GOLPH3: variants seen among roughly 807,000 people sequenced by gnomAD.
GOLPH3 encodes the protein coat protein GPP34.
A neutral mutation model predicts 28.5 loss-of-function variants in GOLPH3; 14 were observed. The observed-to-expected ratio is 0.49, with a 90% CI of 0.32 to 0.77. The LOEUF (loss-of-function observed/expected upper bound fraction) is 0.77, where lower values mean the gene tolerates loss of function less well. Among genes scored for constraint, GOLPH3 ranks in the 30% least tolerant of loss-of-function variants. GOLPH3 has a pLI of 0.03. For synonymous variants in GOLPH3, 158 were observed against 159.2 expected, an observed-to-expected ratio of 0.99 and a Z score of 0.06; for missense variants, 350 against 393.7, an observed-to-expected ratio of 0.89 and a Z score of 0.94.
intron 1 of GOLPH3, among the ~76,000 whole-genome samples, chr5:32,171,943 C>G (rs116692835): frequency 1.3e-5 from 2 of 149,518 alleles, no homozygotes; most frequent in Non-Finnish European, 3.0e-5. Context: ...AGCGAGATTC[C>G]GTCTAAAAAA....
chr5:32,165,031 C>T (rs1290878011), intron 1 of GOLPH3, among the ~76,000 whole-genome samples: 1 of 151,280 alleles, frequency 6.6e-6, no homozygotes, highest in African/African-American at 2.4e-5. Context: ...TCCCGAGTAG[C>T]TGGGATTTCA....
chr5:32,170,971 A>C (rs987714444), intron 1 of GOLPH3, among the ~76,000 whole-genome samples: 2 of 152,302 alleles, frequency 1.3e-5, no homozygotes, highest in South Asian at 4.1e-4. Context: ...GCTAGCAAGC[A>C]TCTGGACCTT....
intron 1 of GOLPH3, among the ~76,000 whole-genome samples, chr5:32,152,540 C>T (rs59539451): frequency 0.18 from 25,424 of 144,950 alleles, 5,051 homozygotes; most frequent in African/African-American, 0.49. Context: ...CCCAGCACTT[C>T]GGGAGGCGAG....
chr5:32,158,873 G>A (rs1442954770), intron 1 of GOLPH3, among the ~76,000 whole-genome samples: 3 of 152,096 alleles, frequency 2.0e-5, no homozygotes, highest in African/African-American at 4.8e-5. Context: ...TTTTTAAAGT[G>A]CACACAGTCA....
intron 2 of GOLPH3, among the ~76,000 whole-genome samples, chr5:32,136,273 A>C (rs539336925): frequency 2.7e-4 from 41 of 152,212 alleles, no homozygotes; most frequent in African/African-American, 7.9e-4. Context: ...TGAGGTCAGG[A>C]GTTCAAGACC....
At chr5:32,133,928 A>G (rs1745879541) in intron 3 of GOLPH3, among the ~76,000 whole-genome samples, 1 of 152,242 alleles carries the variant, frequency 6.6e-6, no homozygotes, top group Non-Finnish European at 1.5e-5. Flanking sequence ...CAGAGGTAGA[A>G]GAGGGTTATC....
At chr5:32,126,768 C>T (rs1745691731) in intron 3 of GOLPH3, 132 bp from the exon 4 acceptor site, 1 of 698,588 alleles carries the variant, frequency 1.4e-6, no homozygotes, top group Non-Finnish European at 2.4e-6. Context: ...TGTTTTTCTC[C>T]CTAACTAGAC....
chr5:32,151,833 G>A (rs1262927840), intron 1 of GOLPH3, among the ~76,000 whole-genome samples: 1 of 152,150 alleles, frequency 6.6e-6, no homozygotes, highest in Non-Finnish European at 1.5e-5. Flanking sequence ...GATGAACTCT[G>A]AAGACATTAT....
At chr5:32,167,653 A>G (rs1264775977) in intron 1 of GOLPH3, among the ~76,000 whole-genome samples, 1 of 152,198 alleles carries the variant, frequency 6.6e-6, no homozygotes, top group African/African-American at 2.4e-5. Flanking sequence ...ATCTTGTTGA[A>G]AAGGTATAAT....
At chr5:32,173,707 GCGCGGGCCGGA>G (rs1746903977) in intron 1 of GOLPH3, 92 bp downstream of exon 1, 1 of 790,956 alleles carries the variant, frequency 1.3e-6, no homozygotes, top group African/African-American at 1.8e-5. Context: ...GAGGGCAGGT[GCGCGGGCCGGA>G]AGCCTCGGGC....
At chr5:32,148,660 G>A (rs1432089502) in intron 1 of GOLPH3, among the ~76,000 whole-genome samples, 1 of 152,162 alleles carries the variant, frequency 6.6e-6, no homozygotes, top group Non-Finnish European at 1.5e-5. Flanking sequence ...AGCTGGGCGT[G>A]GTGGTGGGCA....
In GOLPH3 at chr5:32,137,863, T is replaced by C. The variant is rs531249405; in HGVS notation, c.358-2177A>G. 8.5e-5 allele frequency among the ~76,000 whole-genome samples: 13 copies of C among 152,198 alleles called. 1 individual carries two copies. The South Asian group carries it at 2.5e-3, about 29-fold the overall frequency. ...TCCATTGTATTGTATTATTTTATAATGTTAGCTATTTAAATGTCATAAAAT... is the reference window on the plus strand; with the variant it reads ...TCCATTGTATTGTATTATTTTATAACGTTAGCTATTTAAATGTCATAAAAT... On this transcript the variant is annotated intron_variant, in intron 2 of 3. Transcript: ENST00000265070.
In GOLPH3 at chr5:32,174,062, C is replaced by CG. The variant is rs1328442254; in HGVS notation, c.-29dup. The CG allele has an allele frequency of 2.4e-6, 3 of 1,270,334 alleles. No homozygotes were observed. Among genetic ancestry groups the CG allele is most frequent in the Non-Finnish European group, 3.0e-6 (3 of 1,012,718 alleles). The allele number at this position is 1,270,334 out of a possible 1,614,324, so 78.7% of individuals were successfully genotyped here. On this transcript the variant is annotated 5_prime_UTR_variant, in exon 1 of 4. Transcript: ENST00000265070. ...CTCCCGCCGAGGCGCCGAGCCGGGC[C>CG]GAGAGGGTCGCAGGACCGACCGGGT...
chr5:32,137,648 A>G (rs578192641), intron 2 of GOLPH3, among the ~76,000 whole-genome samples: 1 of 152,198 alleles, frequency 6.6e-6, no homozygotes, highest in South Asian at 2.1e-4. Flanking sequence ...GACAAGAGCA[A>G]AAATCTGTTT....
rs904844694 is a variant in GOLPH3, at chr5:32,174,294, A to AGGC, written c.-263_-261dup. The AGGC allele has an allele frequency of 6.0e-6, 2 of 331,910 alleles. No homozygotes were observed. Among genetic ancestry groups the AGGC allele is most frequent in the Middle Eastern group, 7.7e-4 (1 of 1,306 alleles). 20.6% of individuals were successfully genotyped at this position (331,910 alleles called of 1,614,324 possible). A position where few individuals can be genotyped will look rare whatever the true frequency, so the allele number is the denominator to read the frequency against. On this transcript the variant is annotated 5_prime_UTR_variant, in exon 1 of 4. Coordinates refer to ENST00000265070, the MANE Select transcript of GOLPH3 (RefSeq NM_022130.4). ...CGAAACACCCCGAGCTCCAAGGCGGAGGCGGCGGCGGCGCCTTTCCAATAT... is the reference window on the plus strand; with the variant it reads ...CGAAACACCCCGAGCTCCAAGGCGGAGGCGGCGGCGGCGGCGCCTTTCCAATAT...
rs568506985 is a variant in GOLPH3 at position 32,144,327 on chromosome 5, A to G, written c.226-447T>C. ...ATTTATTGCTGTTTAGGATAAAACC[A>G]CAAGGTTAATCCGAGCACTTTGGGA... is the stretch of plus-strand genomic sequence containing the variant. On this transcript the variant is annotated intron_variant, in intron 1 of 3. Transcript: ENST00000265070. Among the ~76,000 whole-genome samples the G allele has an allele frequency of 1.3e-3, 193 of 152,246 alleles. 2 individuals are homozygous for G. The highest frequency in any genetic ancestry group is 2.1e-3 in the South Asian group (10 of 4,836).
At chr5:32,164,900 CTTT>C (rs760066281) in intron 1 of GOLPH3, among the ~76,000 whole-genome samples, 4,157 of 119,702 alleles carry the variant, frequency 0.035, 101 homozygotes, top group East Asian at 0.18. Context: ...ATTATGTATT[CTTT>C]TTTTTTTTTT....
In GOLPH3 at chr5:32,135,664, G is replaced by A. The variant is rs777781995; in HGVS notation, c.380C>T (p.Pro127Leu). 2.5e-6 allele frequency: 4 copies of A among 1,612,466 alleles called. No homozygotes were observed. The highest frequency in any genetic ancestry group is 2.2e-5 in the South Asian group (2 of 91,018). Residue 127 changes from proline (P) to leucine (L), a missense_variant, in exon 3 of 4, where the codon CCA becomes CTA. Pro to Leu is a moderately conservative substitution (Grantham distance 98, BLOSUM62 -3). Coordinates refer to ENST00000265070, the MANE Select transcript of GOLPH3 (RefSeq NM_022130.4). ...TRKVICKSDA[P>L]TGDVLLDEAL... ...TTCATCAAGAAGAACATCCCCTGTT[G>A]GAGCATCTGACTTACAGATTACCTA...
At chr5:32,148,967 C>T (rs935198619) in intron 1 of GOLPH3, among the ~76,000 whole-genome samples, 1 of 152,016 alleles carries the variant, frequency 6.6e-6, no homozygotes, top group African/African-American at 2.4e-5. Context: ...AAGAGCGAAA[C>T]TCCATCTCAA....
Sources: allele counts gnomAD v4.1 joint callset (sites outside exome capture counted in the v4.1 genomes callset), GRCh38; gene constraint gnomAD v4.1.1; transcripts MANE v1.5; gene names NCBI Gene and HGNC (gene_info 2026-07-23, HGNC 2026-07-21).